QTMAN: variants seen among roughly 807,000 people sequenced by gnomAD.
QTMAN encodes tRNA-queuosine alpha-mannosyltransferase.
the QTMAN span, among the ~76,000 whole-genome samples, chr2:144,107,425 C>T: frequency 6.6e-6 from 1 of 152,090 alleles, no homozygotes; most frequent in African/African-American, 2.4e-5. Context: ...AAGGGGATAT[C>T]ACCACCGATC....
chr2:143,953,469 C>T, the QTMAN span, among the ~76,000 whole-genome samples: 1 of 151,834 alleles, frequency 6.6e-6, no homozygotes, highest in Admixed American at 6.6e-5. Flanking sequence ...ATTCAGCTCA[C>T]TTTCCATTTT....
the QTMAN span, among the ~76,000 whole-genome samples, chr2:144,301,220 T>C: frequency 4.6e-5 from 7 of 152,262 alleles, no homozygotes; most frequent in African/African-American, 1.4e-4. Flanking sequence ...TGTCTTGTTT[T>C]TTTGTTTGTT....
At chr2:144,289,601 G>A in the QTMAN span, among the ~76,000 whole-genome samples, 1 of 152,146 alleles carries the variant, frequency 6.6e-6, no homozygotes, top group East Asian at 1.9e-4. Flanking sequence ...GAAAATAGCT[G>A]TTTAACCCAA....
At chr2:144,124,167 A>C in the QTMAN span, among the ~76,000 whole-genome samples, 2 of 152,108 alleles carry the variant, frequency 1.3e-5, no homozygotes, top group Non-Finnish European at 2.9e-5. Flanking sequence ...TTAAACCCCC[A>C]GAATGTTCCT....
the QTMAN span, among the ~76,000 whole-genome samples, chr2:144,156,480 G>A: frequency 6.6e-6 from 1 of 151,936 alleles, no homozygotes. Context: ...ACTGAGTCCT[G>A]GTCCTTTATA....
the QTMAN span, among the ~76,000 whole-genome samples, chr2:144,307,233 CA>C: frequency 1.5e-4 from 16 of 103,358 alleles, no homozygotes; most frequent in African/African-American, 3.8e-4. Context: ...CTATAGATGG[CA>C]AAAAAAAATA....
the QTMAN span, among the ~76,000 whole-genome samples, chr2:143,995,222 C>G: frequency 6.6e-6 from 1 of 152,032 alleles, no homozygotes; most frequent in Admixed American, 6.5e-5. Flanking sequence ...AGTGTTTGCT[C>G]TGTAGTTTAA....
the QTMAN span, among the ~76,000 whole-genome samples, chr2:144,063,014 CAG>C: frequency 6.6e-6 from 1 of 152,090 alleles, no homozygotes; most frequent in Admixed American, 6.5e-5. Context: ...GTAATTGATT[CAG>C]AGATGTTTGG....
the QTMAN span, chr2:143,940,026 CATTCCACT>C: frequency 6.6e-6 from 1 of 152,216 alleles, no homozygotes; most frequent in Non-Finnish European, 1.5e-5. Context: ...CCTACCTCCC[CATTCCACT>C]ATTAACGTTT....
the QTMAN span, among the ~76,000 whole-genome samples, chr2:144,180,139 C>A: frequency 6.6e-6 from 1 of 152,122 alleles, no homozygotes; most frequent in Non-Finnish European, 1.5e-5. Flanking sequence ...CTTAAGGCCA[C>A]AGATAAATGA....
At chr2:144,011,437 AAAAACT>A in the QTMAN span, among the ~76,000 whole-genome samples, 139 of 152,266 alleles carry the variant, frequency 9.1e-4, no homozygotes, top group Middle Eastern at 3.4e-3. Context: ...TAGAAATCAA[AAAAACT>A]TTATTTCAGC....
At chr2:144,106,428 A>G in the QTMAN span, among the ~76,000 whole-genome samples, 2 of 152,318 alleles carry the variant, frequency 1.3e-5, no homozygotes, top group South Asian at 4.1e-4. Context: ...AAGCAAATGG[A>G]AAACAAAAAA....
At chr2:144,140,884 T>C in the QTMAN span, among the ~76,000 whole-genome samples, 2 of 151,998 alleles carry the variant, frequency 1.3e-5, no homozygotes, top group African/African-American at 2.4e-5. Flanking sequence ...TAACTTGATT[T>C]TGTATGGGGC....
chr2:144,038,473 A>T, the QTMAN span, among the ~76,000 whole-genome samples: 1 of 152,224 alleles, frequency 6.6e-6, no homozygotes, highest in Non-Finnish European at 1.5e-5. Flanking sequence ...TTCAAAAGAC[A>T]TGAGAACAAA....
At chr2:144,026,474 C>T in the QTMAN span, among the ~76,000 whole-genome samples, 1 of 152,096 alleles carries the variant, frequency 6.6e-6, no homozygotes, top group African/African-American at 2.4e-5. Context: ...CATCTGTCAT[C>T]TGTGTAAATA....
chr2:144,034,860 A>T, the QTMAN span, among the ~76,000 whole-genome samples: 7 of 152,224 alleles, frequency 4.6e-5, no homozygotes, highest in Non-Finnish European at 1.0e-4. Flanking sequence ...GTGACAGCCC[A>T]AAACACATTA....
the QTMAN span, among the ~76,000 whole-genome samples, chr2:144,312,095 A>G: frequency 6.6e-6 from 1 of 151,990 alleles, no homozygotes; most frequent in Non-Finnish European, 1.5e-5. Context: ...CTCTCAAGTG[A>G]CTTCACAGCA....
chr2:144,171,418 G>A, the QTMAN span, among the ~76,000 whole-genome samples: 4 of 152,048 alleles, frequency 2.6e-5, no homozygotes, highest in East Asian at 3.8e-4. Context: ...TTTCACCTCC[G>A]TGACAGTATT....
chr2:144,194,148 GA>G, the QTMAN span, among the ~76,000 whole-genome samples: 1 of 152,022 alleles, frequency 6.6e-6, no homozygotes, highest in African/African-American at 2.4e-5. Context: ...TCACTTAGGG[GA>G]ACAGTACAAA....
Sources: gnomAD v4.1 joint callset for allele counts (sites outside exome capture counted in the v4.1 genomes callset) on GRCh38, gnomAD v4.1.1 for gene constraint, MANE v1.5 for transcripts, NCBI Gene and HGNC (gene_info 2026-07-23, HGNC 2026-07-21) for gene names.